Variants in NEDD4L observed in about 807,000 individuals in gnomAD.
NEDD4L encodes the protein E3 ubiquitin-protein ligase NEDD4-like.
NEDD4L carries 54 observed loss-of-function variants against 148.9 expected under a neutral mutation model. That is an observed-to-expected ratio of 0.36 (90% CI 0.29 to 0.45). The LOEUF is 0.45. Ranked by LOEUF, NEDD4L falls within the 20% of genes least tolerant of loss-of-function variation. The pLI, the probability that NEDD4L is intolerant of heterozygous loss-of-function variation, is 1.00. For missense variants in NEDD4L, 856 were observed against 1,233.8 expected (o/e 0.69, Z 4.59); for synonymous variants, 433 against 440.7 (o/e 0.98, Z 0.22).
At chr18:58,044,845 G>A in intron 1 of NEDD4L, 137 bp downstream of exon 1, 16 of 1,102,076 alleles carry the variant, frequency 1.5e-5, no homozygotes, top group Non-Finnish European at 2.0e-5. Context: ...GAGCGCCCCG[G>A]AGCGGGATCC....
intron 12 of NEDD4L, 123 bp downstream of exon 12, chr18:58,334,015 A>G: frequency 3.4e-6 from 2 of 582,966 alleles, no homozygotes; most frequent in Middle Eastern, 2.7e-4. Context: ...AGATGTTTTT[A>G]AATTTCCTGG....
At position 58,399,041 on chromosome 18, in the gene NEDD4L, T is replaced by C. The variant is rs1346865492; in HGVS notation, c.*2772T>C. 2.0e-5 allele frequency: 3 copies of C among 152,258 alleles called. No homozygotes were observed. Among genetic ancestry groups the C allele is most frequent in the African/African-American group, 4.8e-5 (2 of 41,458 alleles). The allele number at this position is 152,258 out of a possible 1,614,324, so 9.4% of individuals were successfully genotyped here. A position where few individuals can be genotyped will look rare whatever the true frequency, so the allele number is the denominator to read the frequency against. On this transcript the variant is annotated 3_prime_UTR_variant, in exon 31 of 31. Transcript: ENST00000400345. The stretch of plus-strand genomic sequence containing the variant: ...CTGTAGTTATTATGGGCCACTTACA[T>C]GAGGCTGAGAAGTACGTGCCGGAGC...
At position 58,269,733 on chromosome 18, in the gene NEDD4L, C is replaced by T. The variant is rs9953600; in HGVS notation, c.297+17679C>T. Among the ~76,000 whole-genome samples the T allele has an allele frequency of 6.8e-3, 1,034 of 152,060 alleles. 11 individuals are homozygous for T. The highest frequency in any genetic ancestry group is 0.023 in the African/African-American group (954 of 41,502). On this transcript the variant is annotated intron_variant, in intron 5 of 30. Transcript: ENST00000400345. ...TACTGACAGCCTAAATCTGGGTTTC[C>T]TTGATAACCTTTGGTGTAAATACTG...
At chr18:58,367,390 G>A (rs937499162) in intron 21 of NEDD4L, among the ~76,000 whole-genome samples, 7 of 152,136 alleles carry the variant, frequency 4.6e-5, no homozygotes, top group East Asian at 1.9e-4. Flanking sequence ...TCACAGAGAC[G>A]ACCTAAAGTA....
At chr18:58,141,165 A>G (rs1179804280) in intron 1 of NEDD4L, among the ~76,000 whole-genome samples, 1 of 152,188 alleles carries the variant, frequency 6.6e-6, no homozygotes, top group Non-Finnish European at 1.5e-5. Flanking sequence ...GGTTCGTGTT[A>G]ACCATCAGCA....
chr18:58,323,272 G>A lies in NEDD4L; in HGVS notation c.451G>A (p.Ala151Thr), dbSNP rs1428314420. 3 of 1,605,320 alleles carry A rather than the reference G, an allele frequency of 1.9e-6. No individual in the cohort carries two copies. Among genetic ancestry groups the A allele is most frequent in the South Asian group, 1.1e-5 (1 of 88,762 alleles). ...RVKGFLRLKM[A>T]YMPKNGGQDE... ...TAAGGGATTTTTGCGATTGAAAATG[G>A]CCTATATGCCAAAAAATGGAGGTCA... The change falls in exon 8 of 31, where the codon GCC becomes ACC. Residue 151 changes from alanine (A) to threonine (T), a missense_variant. By Grantham distance (58) the Ala-to-Thr change is moderately conservative. Around this residue, in one of 4 missense-constraint regions of NEDD4L, gnomAD observed 193 missense variants for 244.2 expected, o/e 0.79. Coordinates refer to ENST00000400345, the MANE Select transcript of NEDD4L (RefSeq NM_001144967.3).
chr18:58,093,637 G>A (rs762132975), intron 1 of NEDD4L, among the ~76,000 whole-genome samples: 6 of 152,132 alleles, frequency 3.9e-5, no homozygotes, highest in Admixed American at 1.3e-4. Flanking sequence ...AAAGAAGTGC[G>A]ATACAGTTGG....
chr18:58,146,058 TG>T (rs2034067098), intron 1 of NEDD4L, among the ~76,000 whole-genome samples: 1 of 152,082 alleles, frequency 6.6e-6, no homozygotes, highest in South Asian at 2.1e-4. Context: ...CCCTGAAAAA[TG>T]GGATTAAAAG....
chr18:58,296,202 C>T (rs1383850102), intron 5 of NEDD4L, among the ~76,000 whole-genome samples: 1 of 152,174 alleles, frequency 6.6e-6, no homozygotes, highest in African/African-American at 2.4e-5. Context: ...CCTCAGGACA[C>T]TATTAGTTAG....
At position 58,343,202 on chromosome 18, in the gene NEDD4L, T is replaced by C. The variant is rs1377660469; in HGVS notation, c.1575+99T>C. 3.3e-6 allele frequency: 4 copies of C among 1,228,166 alleles called. No homozygotes were observed. In the East Asian group the frequency reaches 1.0e-4, roughly 31 times the overall value. 76.1% of individuals were successfully genotyped at this position (1,228,166 alleles called of 1,614,324 possible). ...TTGTAGTTCTTGCAGAGGAATTGGA[T>C]TGACTGTAAAGGGTGTCTCCAGAGG... On this transcript the variant is annotated intron_variant, in intron 16 of 30. Coordinates refer to ENST00000400345, the MANE Select transcript of NEDD4L (RefSeq NM_001144967.3).
At chr18:58,270,716 T>A (rs537543181) in intron 5 of NEDD4L, among the ~76,000 whole-genome samples, 1 of 152,264 alleles carries the variant, frequency 6.6e-6, no homozygotes, top group Non-Finnish European at 1.5e-5. Context: ...TATTGTTTCT[T>A]TCTGATTTCT....
At chr18:58,351,591 A>G (rs1054428213) in intron 18 of NEDD4L, among the ~76,000 whole-genome samples, 11 of 152,236 alleles carry the variant, frequency 7.2e-5, no homozygotes, top group African/African-American at 2.4e-4. Flanking sequence ...CACCTATGAA[A>G]AAATGTGTGG....
At chr18:58,349,671 C>A in intron 17 of NEDD4L, 57 bp downstream of exon 17, 1 of 1,358,078 alleles carries the variant, frequency 7.4e-7, no homozygotes, top group Non-Finnish European at 1.1e-6. Context: ...TTTATCCGCT[C>A]AATGTTGATG....
In NEDD4L at chr18:58,104,101, T is replaced by C. The variant is rs546227202; in HGVS notation, c.48+59393T>C. Reference sequence around the variant, plus strand: ...GATGAATAGATTAAAAAACAGATTGTGATATATCCACGCACTGGAATATTG... The same window carrying C: ...GATGAATAGATTAAAAAACAGATTGCGATATATCCACGCACTGGAATATTG... On this transcript the variant is annotated intron_variant, in intron 1 of 30. Transcript: ENST00000400345. Among the ~76,000 whole-genome samples the C allele has an allele frequency of 3.3e-5, 5 of 152,296 alleles. No individual in the cohort carries two copies. In the South Asian group the frequency reaches 1.0e-3, roughly 32 times the overall value.
intron 6 of NEDD4L, among the ~76,000 whole-genome samples, chr18:58,319,327 C>T (rs913851529): frequency 6.6e-6 from 1 of 152,166 alleles, no homozygotes; most frequent in Non-Finnish European, 1.5e-5. Context: ...GGGGTGGATT[C>T]GCCCAAGGCT....
Position 58,390,627 on chromosome 18 carries a change from C to T in NEDD4L, c.2656-19C>T, listed in dbSNP as rs1375477623. The T allele has an allele frequency of 6.5e-7, 1 of 1,544,344 alleles. No homozygotes were observed. The highest frequency in any genetic ancestry group is 2.4e-5 in the East Asian group (1 of 42,484). On this transcript the variant is annotated intron_variant, in intron 28 of 30. Coordinates refer to ENST00000400345, the MANE Select transcript of NEDD4L (RefSeq NM_001144967.3). Reference sequence around the variant, plus strand: ...TGGGTCACGTGGGGGGTATAATGACCTTCTGCCTCTGTTCATAGGCTGTGC... The same window carrying T: ...TGGGTCACGTGGGGGGTATAATGACTTTCTGCCTCTGTTCATAGGCTGTGC...
In NEDD4L at chr18:58,336,470, G is replaced by A. The variant is rs145353559; in HGVS notation, c.1125+933G>A. On this transcript the variant is annotated intron_variant, in intron 13 of 30. Transcript: ENST00000400345. Reference sequence around the variant, plus strand: ...TGAGCACCTGTAGTCCCAGCTACTCGGGAGGCTGAGGCAGGAGAATGGCGT... The same window carrying A: ...TGAGCACCTGTAGTCCCAGCTACTCAGGAGGCTGAGGCAGGAGAATGGCGT... Among the ~76,000 whole-genome samples, 47 of 152,078 alleles carry A rather than the reference G, an allele frequency of 3.1e-4. 1 individual carries two copies. Among genetic ancestry groups the A allele is most frequent in the African/African-American group, 1.0e-3 (42 of 41,484 alleles).
At chr18:58,226,871 T>A (rs905000457) in intron 2 of NEDD4L, among the ~76,000 whole-genome samples, 1 of 152,090 alleles carries the variant, frequency 6.6e-6, no homozygotes, top group African/African-American at 2.4e-5. Flanking sequence ...GTGATGCCGC[T>A]GTGTTACCCT....
intron 1 of NEDD4L, among the ~76,000 whole-genome samples, chr18:58,073,586 A>G (rs967069975): frequency 1.3e-5 from 2 of 152,240 alleles, no homozygotes; most frequent in African/African-American, 2.4e-5. Context: ...TTGAAAACGT[A>G]TGGTAGGTGA....
Sources: gnomAD v4.1 joint callset for allele counts (sites outside exome capture counted in the v4.1 genomes callset) on GRCh38, gnomAD v4.1.1 for gene constraint, gnomAD v4.1.1 regional missense constraint, MANE v1.5 for transcripts, NCBI Gene and HGNC (gene_info 2026-07-23, HGNC 2026-07-21) for gene names.